CAND1: variants seen among roughly 807,000 people sequenced by gnomAD.
CAND1 encodes cullin-associated NEDD8-dissociated protein 1.
CAND1 carries 7 observed loss-of-function variants against 108.5 expected under a neutral mutation model. That is an observed-to-expected ratio of 0.06 (90% CI 0.04 to 0.12). CAND1 has a LOEUF of 0.12. CAND1 is among the 10% of genes least tolerant of loss of function. The probability of loss-of-function intolerance (pLI) is 1.00; values close to 1 mark genes in which losing one functional copy is unlikely to be tolerated. For missense variants in CAND1, 941 were observed against 1,448.7 expected (o/e 0.65, Z 5.69); for synonymous variants, 534 against 512.0 (o/e 1.04, Z -0.58).
intron 9 of CAND1, 48 bp downstream of exon 9, chr12:67,304,794 G>T (rs1299260954): frequency 6.3e-7 from 1 of 1,592,150 alleles, no homozygotes; most frequent in Non-Finnish European, 8.5e-7. Flanking sequence ...TAGCCTTTTT[G>T]TTAGGACTTA....
intron 3 of CAND1, among the ~76,000 whole-genome samples, chr12:67,294,026 T>C (rs966906483): frequency 6.6e-6 from 1 of 152,218 alleles, no homozygotes; most frequent in South Asian, 2.1e-4. Context: ...AAGGATGCTT[T>C]CTTCAATGTA....
rs193121372 is a variant in CAND1 at position 67,304,601 on chromosome 12, G to T, written c.1294-4G>T. ...ACCAGCTAATGACTATATGATAATT[G>T]CAGGTTCCCAACATTGTTAAAGCTC... is the stretch of plus-strand genomic sequence containing the variant. On this transcript the variant is annotated splice_region_variant and splice_polypyrimidine_tract_variant and intron_variant, in intron 8 of 14. Transcript: ENST00000545606. 6.2e-7 allele frequency: 1 copy of T among 1,613,034 alleles called. No homozygotes were observed. The highest frequency in any genetic ancestry group is 8.5e-7 in the Non-Finnish European group (1 of 1,179,688).
At chr12:67,292,292 G>GAGA (rs1565721001) in intron 2 of CAND1, among the ~76,000 whole-genome samples, 1 of 152,134 alleles carries the variant, frequency 6.6e-6, no homozygotes, top group Non-Finnish European at 1.5e-5. Context: ...GAACAACAGT[G>GAGA]AGACCCTGTC....
intron 10 of CAND1, among the ~76,000 whole-genome samples, chr12:67,306,880 ATC>A (rs2136018604): frequency 6.6e-6 from 1 of 152,318 alleles, no homozygotes; most frequent in South Asian, 2.1e-4. Flanking sequence ...GAAAAGATGT[ATC>A]TAATGAATTA....
intron 1 of CAND1, among the ~76,000 whole-genome samples, chr12:67,273,483 T>C (rs2044541242): frequency 6.7e-6 from 1 of 149,768 alleles, no homozygotes; most frequent in African/African-American, 2.4e-5. Context: ...TCTTTTCTTT[T>C]TTTTTTTTTT....
chr12:67,316,492 G>A lies in CAND1; in HGVS notation c.*3662G>A, dbSNP rs1277694831. 6.6e-6 allele frequency: 1 copy of A among 152,152 alleles called. No homozygotes were observed. Among genetic ancestry groups the A allele is most frequent in the East Asian group, 1.9e-4 (1 of 5,192 alleles). 9.4% of individuals were successfully genotyped at this position (152,152 alleles called of 1,614,324 possible). A position where few individuals can be genotyped will look rare whatever the true frequency, so the allele number is the denominator to read the frequency against. ...CAAGATCTTTCAGCAACATGTTTTT[G>A]CTCTTTGTAACTTAGAAAGTTAGCT... On this transcript the variant is annotated 3_prime_UTR_variant, in exon 15 of 15. Coordinates refer to ENST00000545606, the MANE Select transcript of CAND1 (RefSeq NM_018448.5).
At chr12:67,281,721 A>C (rs1259882124) in intron 1 of CAND1, among the ~76,000 whole-genome samples, 189 bp from the exon 2 acceptor site, 1 of 152,220 alleles carries the variant, frequency 6.6e-6, no homozygotes, top group Non-Finnish European at 1.5e-5. Flanking sequence ...AATTTTAAGT[A>C]CATTATTGCT....
At chr12:67,304,999 A>C in intron 9 of CAND1, 105 bp from the exon 10 acceptor site, 2 of 990,134 alleles carry the variant, frequency 2.0e-6, no homozygotes, top group Non-Finnish European at 1.5e-6. Flanking sequence ...TTATAGAAAT[A>C]ATATAATGAA....
intron 11 of CAND1, among the ~76,000 whole-genome samples, chr12:67,309,358 C>T (rs370847944): frequency 9.9e-5 from 15 of 151,800 alleles, no homozygotes; most frequent in South Asian, 6.2e-4. Flanking sequence ...CCTGTGAATT[C>T]GTGTATTTCT....
At position 67,312,823 on chromosome 12, in the gene CAND1, C is replaced by G; in HGVS notation, c.3686C>G (p.Thr1229Ser). 1 of 1,602,644 alleles carries G rather than the reference C, an allele frequency of 6.2e-7. No homozygotes were observed. The highest frequency in any genetic ancestry group is 1.1e-5 in the South Asian group (1 of 89,996). Residue 1229 changes from threonine (T) to serine (S), a missense_variant, in exon 15 of 15, where the codon ACT becomes AGT. Thr to Ser is a moderately conservative substitution (Grantham distance 58). Around this residue, in one of 9 missense-constraint regions of CAND1, gnomAD observed 39 missense variants for 51.3 expected, o/e 0.76. Coordinates refer to ENST00000545606, the MANE Select transcript of CAND1 (RefSeq NM_018448.5). ...SSSTNLESMD[T>S]S ...TCTACTAACTTGGAATCAATGGACA[C>G]TAGTTAGATGTTTGTTCACCATGGG...
At position 67,269,631 on chromosome 12, in the gene CAND1, G is replaced by A; in HGVS notation, c.-87G>A. The A allele has an allele frequency of 8.5e-7, 1 of 1,178,612 alleles. No homozygotes were observed. Among genetic ancestry groups the A allele is most frequent in the South Asian group, 1.3e-5 (1 of 78,012 alleles). 73.0% of individuals were successfully genotyped at this position (1,178,612 alleles called of 1,614,324 possible). A position where few individuals can be genotyped will look rare whatever the true frequency, so the allele number is the denominator to read the frequency against. On this transcript the variant is annotated 5_prime_UTR_variant, in exon 1 of 15. Transcript: ENST00000545606. ...AAGCGGGAGCCGCCGCGAGCGAGAG[G>A]AGGAGCTCCAGTGGCGGCGGCGGCG...
intron 1 of CAND1, among the ~76,000 whole-genome samples, chr12:67,275,035 T>TA (rs1462378629): frequency 6.6e-6 from 1 of 152,158 alleles, no homozygotes; most frequent in East Asian, 1.9e-4. Flanking sequence ...TGGGCACTTT[T>TA]AAAAATACTT....
intron 11 of CAND1, among the ~76,000 whole-genome samples, chr12:67,308,852 G>T (rs1282313196): frequency 6.6e-6 from 1 of 151,590 alleles, no homozygotes; most frequent in East Asian, 1.9e-4. Context: ...AACTTTCTTG[G>T]ATATCAACAT....
chr12:67,294,649 T>C (rs2044752168), intron 3 of CAND1, among the ~76,000 whole-genome samples: 1 of 152,236 alleles, frequency 6.6e-6, no homozygotes, highest in African/African-American at 2.4e-5. Flanking sequence ...TCTACTATTA[T>C]CCAGTAGAAA....
In CAND1 at chr12:67,305,522, A is replaced by G. The variant is rs1475355961; in HGVS notation, c.1854A>G (p.Arg618=). 6.2e-7 allele frequency: 1 copy of G among 1,614,036 alleles called. No individual in the cohort carries two copies. Among genetic ancestry groups the G allele is most frequent in the Admixed American group, 1.7e-5 (1 of 60,010 alleles). Residue 618 remains arginine, a synonymous_variant, in exon 10 of 15, where the codon AGA becomes AGG. Transcript: ENST00000545606. The surrounding 1 kb of genome is among the most constrained non-coding windows in gnomAD (Gnocchi z 4.4). ...LPNTLQIFLE[R]LKNEITRLTT... ...ATACACTTCAGATTTTCTTGGAGAG[A>G]CTAAAGAATGAAATTACCAGGTTAA...
intron 2 of CAND1, among the ~76,000 whole-genome samples, chr12:67,289,975 C>T (rs2044707427): frequency 6.6e-6 from 1 of 152,078 alleles, no homozygotes; most frequent in Non-Finnish European, 1.5e-5. Flanking sequence ...GTTACTTATG[C>T]TTGAAAAAAT....
chr12:67,313,021 T>A lies in CAND1; in HGVS notation c.*191T>A. The A allele has an allele frequency of 2.0e-6, 1 of 512,346 alleles. No individual in the cohort carries two copies. Among genetic ancestry groups the A allele is most frequent in the Non-Finnish European group, 3.5e-6 (1 of 288,996 alleles). The allele number at this position is 512,346 out of a possible 1,614,324, so 31.7% of individuals were successfully genotyped here. A position where few individuals can be genotyped will look rare whatever the true frequency, so the allele number is the denominator to read the frequency against. Reference sequence around the variant, plus strand: ...AGCATTTATTTCAGAAATGTGTATTTCCATAATCCAGAGGTTGTAAAACCA... The same window carrying A: ...AGCATTTATTTCAGAAATGTGTATTACCATAATCCAGAGGTTGTAAAACCA... On this transcript the variant is annotated 3_prime_UTR_variant, in exon 15 of 15. Coordinates refer to ENST00000545606, the MANE Select transcript of CAND1 (RefSeq NM_018448.5).
At chr12:67,309,289 A>G (rs923666042) in intron 11 of CAND1, among the ~76,000 whole-genome samples, 3 of 151,858 alleles carry the variant, frequency 2.0e-5, no homozygotes, top group Non-Finnish European at 4.4e-5. Context: ...AAATACCTAG[A>G]TGGCTTCTCT....
At chr12:67,304,959 A>G in intron 9 of CAND1, 145 bp from the exon 10 acceptor site, 1 of 876,548 alleles carries the variant, frequency 1.1e-6, no homozygotes, top group Non-Finnish European at 1.7e-6. Flanking sequence ...TTTGGCTGTA[A>G]TATTTATTGT....
Sources: gnomAD v4.1 joint callset for allele counts (sites outside exome capture counted in the v4.1 genomes callset) on GRCh38, gnomAD v4.1.1 for gene constraint, gnomAD v4.1.1 regional missense constraint, Gnocchi (gnomAD v3.1) non-coding constraint, MANE v1.5 for transcripts, NCBI Gene and HGNC (gene_info 2026-07-23, HGNC 2026-07-21) for gene names.